The following TACR3 variants were observed in gnomAD, a reference collection of about 807,000 sequenced individuals.
TACR3 encodes the protein tachykinin receptor 3.
In TACR3, 34 loss-of-function variants were observed where a neutral mutation model predicts 35.0. The observed-to-expected ratio is 0.97, with a 90% CI of 0.74 to 1.30. The LOEUF (loss-of-function observed/expected upper bound fraction) is 1.30. TACR3 is among the 50% of genes most tolerant of loss of function. TACR3 has a pLI of 0.00. For synonymous variants in TACR3, 233 were observed against 221.1 expected, an observed-to-expected ratio of 1.05 and a Z score of -0.48; for missense variants, 558 against 591.7, an observed-to-expected ratio of 0.94 and a Z score of 0.59.
At chr4:103,651,268 C>T (rs925635555) in intron 3 of TACR3, among the ~76,000 whole-genome samples, 9 of 151,454 alleles carry the variant, frequency 5.9e-5, no homozygotes, top group African/African-American at 1.9e-4. Flanking sequence ...ACTTTGTGTT[C>T]TATTGTACTG....
intron 4 of TACR3, 84 bp downstream of exon 4, chr4:103,591,403 G>C: frequency 6.5e-7 from 1 of 1,538,804 alleles, no homozygotes; most frequent in Non-Finnish European, 9.0e-7. Context: ...TTTTGAATTT[G>C]AACCAAGAAA....
At chr4:103,609,969 C>T (rs1186982305) in intron 3 of TACR3, among the ~76,000 whole-genome samples, 2 of 152,098 alleles carry the variant, frequency 1.3e-5, no homozygotes, top group African/African-American at 4.8e-5. Flanking sequence ...TTATGACTAA[C>T]TAGCATTGTA....
intron 1 of TACR3, among the ~76,000 whole-genome samples, chr4:103,685,972 C>A (rs997646614): frequency 2.0e-5 from 3 of 152,148 alleles, no homozygotes; most frequent in Non-Finnish European, 4.4e-5. Flanking sequence ...AATGGATAAA[C>A]TCTTACCTAG....
At chr4:103,642,493 C>T (rs1349203631) in intron 3 of TACR3, among the ~76,000 whole-genome samples, 1 of 151,630 alleles carries the variant, frequency 6.6e-6, no homozygotes, top group Non-Finnish European at 1.5e-5. Flanking sequence ...AGAATGAAAT[C>T]CTGTCATTTG....
intron 3 of TACR3, among the ~76,000 whole-genome samples, chr4:103,598,160 T>C (rs1299214595): frequency 6.6e-6 from 1 of 152,318 alleles, no homozygotes; most frequent in East Asian, 1.9e-4. Flanking sequence ...TGGTGTGAGA[T>C]GGTATCTCAT....
chr4:103,633,049 T>C (rs1399293635), intron 3 of TACR3, among the ~76,000 whole-genome samples: 1 of 103,464 alleles, frequency 9.7e-6, no homozygotes, highest in Non-Finnish European at 2.1e-5. Flanking sequence ...TTTCCTGACA[T>C]CTTTTTGTCC....
At chr4:103,632,130 A>C (rs10516503) in intron 3 of TACR3, among the ~76,000 whole-genome samples, 16,455 of 152,208 alleles carry the variant, frequency 0.11, 919 homozygotes, top group African/African-American at 0.12. Context: ...CAATCAAGAT[A>C]AAATAGGGAA....
chr4:103,650,747 TATATATATTATATATGATGTATATA>T (rs1725589293), intron 3 of TACR3, among the ~76,000 whole-genome samples: 7 of 90,296 alleles, frequency 7.8e-5, no homozygotes, highest in Admixed American at 1.9e-4. Context: ...TCATATATAA[TATATATATTATATATGATGTATATA>T]ATATATATTA....
chr4:103,689,097 G>A (rs1481848118), intron 1 of TACR3, among the ~76,000 whole-genome samples: 1 of 151,790 alleles, frequency 6.6e-6, no homozygotes, highest in Non-Finnish European at 1.5e-5. Context: ...CATGTCCTTT[G>A]TAGGGACATG....
intron 3 of TACR3, among the ~76,000 whole-genome samples, chr4:103,654,822 T>A (rs918144248): frequency 1.5e-4 from 23 of 152,114 alleles, no homozygotes; most frequent in Admixed American, 5.2e-4. Context: ...GATATAGCTA[T>A]AAGAAATTAT....
chr4:103,589,855 T>A lies in TACR3; in HGVS notation c.1225A>T (p.Met409Leu). The A allele has an allele frequency of 6.2e-7, 1 of 1,613,954 alleles. No individual in the cohort carries two copies. The highest frequency in any genetic ancestry group is 2.2e-5 in the East Asian group (1 of 44,876). ...SMYTVTRMES[M>L]TVVFDPNDAD... ...TCGTTGGGGTCAAACACGACTGTCA[T>A]GGACTCCATTCTGGTCACGGTGTAC... Residue 409 changes from methionine (M) to leucine (L), a missense_variant, in exon 5 of 5, where the codon ATG (methionine) becomes TTG (leucine). Physicochemically the swap from Met to Leu is conservative, Grantham distance 15. Coordinates refer to ENST00000304883, the MANE Select transcript of TACR3 (RefSeq NM_001059.3).
chr4:103,669,500 C>T (rs1029937933), intron 1 of TACR3, among the ~76,000 whole-genome samples: 1 of 152,098 alleles, frequency 6.6e-6, no homozygotes, highest in African/African-American at 2.4e-5. Flanking sequence ...TCCTCATCAG[C>T]ATCTATTACT....
chr4:103,687,725 C>T (rs2110214419), intron 1 of TACR3, among the ~76,000 whole-genome samples: 1 of 152,220 alleles, frequency 6.6e-6, no homozygotes, highest in South Asian at 2.1e-4. Context: ...GAACTACAAA[C>T]CACTCCTCAA....
At chr4:103,626,236 T>C (rs1357473088) in intron 3 of TACR3, among the ~76,000 whole-genome samples, 3 of 152,180 alleles carry the variant, frequency 2.0e-5, no homozygotes, top group Non-Finnish European at 4.4e-5. Flanking sequence ...TGTTGAGTCA[T>C]ATACATGTGT....
chr4:103,700,247 G>A (rs144118155), intron 1 of TACR3, among the ~76,000 whole-genome samples: 1 of 152,100 alleles, frequency 6.6e-6, no homozygotes, highest in Non-Finnish European at 1.5e-5. Flanking sequence ...TATTCCAGTT[G>A]GGAAGAAATG....
intron 3 of TACR3, among the ~76,000 whole-genome samples, chr4:103,633,059 C>CTT (rs1725102966): frequency 9.9e-6 from 1 of 101,386 alleles, no homozygotes; most frequent in African/African-American, 4.3e-5. Flanking sequence ...TCTTTTTGTC[C>CTT]CTCTTACTGA....
chr4:103,708,779 A>G (rs1722861819), intron 1 of TACR3, among the ~76,000 whole-genome samples: 1 of 152,210 alleles, frequency 6.6e-6, no homozygotes. Flanking sequence ...ACAAATGGCT[A>G]ACTAGAATAA....
At chr4:103,697,359 A>G (rs1222940984) in intron 1 of TACR3, among the ~76,000 whole-genome samples, 1 of 152,040 alleles carries the variant, frequency 6.6e-6, no homozygotes, top group Non-Finnish European at 1.5e-5. Context: ...CTGAAATGTG[A>G]GCCATGTTGT....
chr4:103,692,093 A>G (rs781148824), intron 1 of TACR3, among the ~76,000 whole-genome samples: 10 of 152,176 alleles, frequency 6.6e-5, no homozygotes, highest in Non-Finnish European at 1.3e-4. Flanking sequence ...GCATCTGTAC[A>G]TCAATCAAAA....
Sources: allele counts gnomAD v4.1 joint callset (sites outside exome capture counted in the v4.1 genomes callset), GRCh38; gene constraint gnomAD v4.1.1; transcripts MANE v1.5; gene names NCBI Gene and HGNC (gene_info 2026-07-23, HGNC 2026-07-21).